Variants in MAP2K3 observed in about 807,000 individuals in gnomAD.
MAP2K3 encodes mitogen-activated protein kinase kinase 3, also known as dual specificity mitogen-activated protein kinase kinase 3.
Under a neutral mutation model 46.4 loss-of-function variants are expected in MAP2K3, and 30 were observed. That is an observed-to-expected ratio of 0.65 (90% CI 0.48 to 0.88). The LOEUF (loss-of-function observed/expected upper bound fraction) is 0.88, where lower values mean the gene tolerates loss of function less well. Among genes scored for constraint, MAP2K3 ranks in the 40% least tolerant of loss-of-function variants. The pLI is 0.00. For synonymous variants in MAP2K3, 189 were observed against 176.3 expected, an observed-to-expected ratio of 1.07 and a Z score of -0.57; for missense variants, 380 against 464.5, an observed-to-expected ratio of 0.82 and a Z score of 1.67.
At chr17:21,296,171 G>A in intron 1 of MAP2K3, 1 of 1,289,650 alleles carries the variant, frequency 7.8e-7, no homozygotes, top group Non-Finnish European at 1.0e-6. Context: ...GCACCTTGCA[G>A]ACGTGATCTT....
chr17:21,291,627 C>A (rs149430169), intron 1 of MAP2K3: 3 of 455,960 alleles, frequency 6.6e-6, no homozygotes, highest in East Asian at 1.4e-4. Flanking sequence ...CCTCTTAAAG[C>A]CTGAGCATGG....
intron 9 of MAP2K3, among the ~76,000 whole-genome samples, chr17:21,306,790 G>C (rs1597826888): frequency 6.6e-6 from 1 of 152,272 alleles, no homozygotes; most frequent in Non-Finnish European, 1.5e-5. Flanking sequence ...GCCTCACATG[G>C]AGAGGTTTTT....
chr17:21,304,375 G>T (rs1199384925), intron 7 of MAP2K3, 51 bp from the exon 8 acceptor site: 1 of 1,614,028 alleles, frequency 6.2e-7, no homozygotes, highest in Non-Finnish European at 8.5e-7. Flanking sequence ...CATGGCACCT[G>T]CCTCCAGTCG....
In MAP2K3 at chr17:21,313,472, G is replaced by A; in HGVS notation, c.915-20G>A. On this transcript the variant is annotated intron_variant, in intron 10 of 11. Transcript: ENST00000342679. ...CTTCCTCCCTGCCAGCCTGGCCACAGCTGCACTATTCTCTCCTAGCCTGAG... is the reference window on the plus strand; with the variant it reads ...CTTCCTCCCTGCCAGCCTGGCCACAACTGCACTATTCTCTCCTAGCCTGAG... 1.2e-6 allele frequency: 2 copies of A among 1,611,248 alleles called. No individual in the cohort carries two copies. Among genetic ancestry groups the A allele is most frequent in the Non-Finnish European group, 1.7e-6 (2 of 1,178,960 alleles).
Position 21,300,675 on chromosome 17 carries a change from G to A in MAP2K3, c.279+17G>A, listed in dbSNP as rs1305661118. 6.2e-7 allele frequency: 1 copy of A among 1,603,114 alleles called. No homozygotes were observed. ...GCCGTGAAGGTGAGCAGGGCCTGGA[G>A]GCAGCTGGGAGGGCTCCCTGGAGGA... On this transcript the variant is annotated intron_variant, in intron 4 of 11. Coordinates refer to ENST00000342679, the MANE Select transcript of MAP2K3 (RefSeq NM_145109.3).
At chr17:21,299,990 T>A (rs1366817263) in intron 3 of MAP2K3, among the ~76,000 whole-genome samples, 2 of 152,260 alleles carry the variant, frequency 1.3e-5, no homozygotes, top group Admixed American at 6.5e-5. Flanking sequence ...CTAAAAAAAA[T>A]AAACCCCATT....
At chr17:21,303,103 G>A (rs1385841776) in intron 6 of MAP2K3, 80 bp from the exon 7 acceptor site, 1 of 1,577,852 alleles carries the variant, frequency 6.3e-7, no homozygotes, top group South Asian at 1.1e-5. Flanking sequence ...ACATGGATGG[G>A]GTCTTACTGC....
intron 9 of MAP2K3, 125 bp from the exon 10 acceptor site, chr17:21,312,017 C>G (rs1977184780): frequency 4.5e-6 from 4 of 893,534 alleles, no homozygotes; most frequent in Non-Finnish European, 6.4e-6. Flanking sequence ...GTAGGGAGAT[C>G]AGCTGTGCAG....
At chr17:21,294,605 G>A (rs928830188) in intron 1 of MAP2K3, among the ~76,000 whole-genome samples, 1 of 152,310 alleles carries the variant, frequency 6.6e-6, no homozygotes, top group Non-Finnish European at 1.5e-5. Context: ...CCACCGTGTG[G>A]CCTCTCTAAG....
At chr17:21,302,501 G>A (rs962916593) in intron 6 of MAP2K3, among the ~76,000 whole-genome samples, 3 of 152,308 alleles carry the variant, frequency 2.0e-5, no homozygotes, top group African/African-American at 7.2e-5. Context: ...GCAGATCCAG[G>A]TGTCTGAGCC....
At chr17:21,294,350 A>G (rs1232892113) in intron 1 of MAP2K3, among the ~76,000 whole-genome samples, 1 of 152,310 alleles carries the variant, frequency 6.6e-6, no homozygotes, top group Non-Finnish European at 1.5e-5. Context: ...TGTTGTCAGA[A>G]ACCTGGTGAT....
chr17:21,312,606 T>C (rs73302052), intron 10 of MAP2K3, among the ~76,000 whole-genome samples: 7 of 152,110 alleles, frequency 4.6e-5, no homozygotes, highest in African/African-American at 1.4e-4. Flanking sequence ...GAATGCCCCA[T>C]AGGAGCCTTA....
Position 21,314,325 on chromosome 17 carries a change from G to A in MAP2K3, c.*95G>A, listed in dbSNP as rs1481794538. On this transcript the variant is annotated 3_prime_UTR_variant, in exon 12 of 12. Coordinates refer to ENST00000342679, the MANE Select transcript of MAP2K3 (RefSeq NM_145109.3). ...CCACACCATAAGCTACTGCCATCCT[G>A]GCCCAGGGCATCTGGGAGGAACCGA... 7.8e-6 allele frequency: 9 copies of A among 1,148,068 alleles called. No homozygotes were observed. The highest frequency in any genetic ancestry group is 1.2e-5 in the Non-Finnish European group (9 of 768,606). The allele number at this position is 1,148,068 out of a possible 1,614,324, so 71.1% of individuals were successfully genotyped here.
At chr17:21,302,986 T>A (rs1976690435) in intron 6 of MAP2K3, among the ~76,000 whole-genome samples, 197 bp from the exon 7 acceptor site, 1 of 152,304 alleles carries the variant, frequency 6.6e-6, no homozygotes, top group Non-Finnish European at 1.5e-5. Context: ...GGAGGCCGAG[T>A]GTGTCTGCAC....
intron 10 of MAP2K3, among the ~76,000 whole-genome samples, chr17:21,313,065 G>A (rs1977240451): frequency 6.6e-6 from 1 of 152,192 alleles, no homozygotes; most frequent in Non-Finnish European, 1.5e-5. Context: ...CACTTTTATT[G>A]TTGACCATAA....
At chr17:21,306,369 G>C (rs1448556181) in intron 9 of MAP2K3, among the ~76,000 whole-genome samples, 7 of 152,254 alleles carry the variant, frequency 4.6e-5, no homozygotes, top group Non-Finnish European at 1.0e-4. Flanking sequence ...CAACCAGATG[G>C]AAGAGACTCA....
intron 5 of MAP2K3, among the ~76,000 whole-genome samples, chr17:21,301,521 G>A (rs1008603219): frequency 2.0e-5 from 3 of 152,312 alleles, no homozygotes; most frequent in East Asian, 1.9e-4. Context: ...CTGGTCACTT[G>A]CCCCTCAAAG....
chr17:21,301,827 T>G (rs1468857925), intron 5 of MAP2K3, among the ~76,000 whole-genome samples: 1 of 152,308 alleles, frequency 6.6e-6, no homozygotes, highest in African/African-American at 2.4e-5. Flanking sequence ...GCCATGGAGC[T>G]GGTGCAGGTG....
chr17:21,289,032 T>C (rs1240296054), intron 1 of MAP2K3, among the ~76,000 whole-genome samples: 1 of 152,228 alleles, frequency 6.6e-6, no homozygotes, highest in African/African-American at 2.4e-5. Context: ...ATTTTATTAT[T>C]GTTACTTTTG....
Sources: gnomAD v4.1 joint callset for allele counts (sites outside exome capture counted in the v4.1 genomes callset) on GRCh38, gnomAD v4.1.1 for gene constraint, MANE v1.5 for transcripts, NCBI Gene and HGNC (gene_info 2026-07-23, HGNC 2026-07-21) for gene names.